The following AMPH variants were observed in gnomAD, a reference collection of about 807,000 sequenced individuals.
The protein encoded by AMPH is amphiphysin (Stiff-Mann syndrome with breast cancer 128kD autoantigen).
AMPH carries 49 observed loss-of-function variants against 99.1 expected under a neutral mutation model. The observed-to-expected ratio is 0.49, with a 90% CI of 0.39 to 0.63. The LOEUF is 0.63. Among genes scored for constraint, AMPH ranks in the 20% least tolerant of loss-of-function variants. The pLI is 0.00. For synonymous variants in AMPH, 314 were observed against 317.3 expected (o/e 0.99, Z 0.11); for missense variants, 759 against 863.4 (o/e 0.88, Z 1.52).
intron 14 of AMPH, chr7:38,429,207 TG>T: frequency 3.1e-6 from 4 of 1,289,330 alleles, no homozygotes; most frequent in Non-Finnish European, 4.0e-6. Context: ...GTCATACAGC[TG>T]CTCCATCTCC....
intron 2 of AMPH, among the ~76,000 whole-genome samples, chr7:38,506,715 A>C (rs1244145044): frequency 6.6e-6 from 1 of 152,228 alleles, no homozygotes; most frequent in African/African-American, 2.4e-5. Flanking sequence ...TGGAACATCA[A>C]TTTATTGAGG....
chr7:38,612,084 CTTCTTTTT>C (rs1036766486), intron 1 of AMPH, among the ~76,000 whole-genome samples: 15 of 90,892 alleles, frequency 1.7e-4, no homozygotes, highest in African/African-American at 4.9e-4. Context: ...TTTTTGTCTT[CTTCTTTTT>C]TTTTTTTTTT....
intron 17 of AMPH, among the ~76,000 whole-genome samples, chr7:38,409,515 C>A (rs376928852): frequency 2.0e-5 from 3 of 152,280 alleles, no homozygotes; most frequent in African/African-American, 7.2e-5. Flanking sequence ...ATGGTACCCC[C>A]GGTCCCTAGT....
At chr7:38,407,529 A>C (rs186182477) in intron 17 of AMPH, among the ~76,000 whole-genome samples, 1 of 152,202 alleles carries the variant, frequency 6.6e-6, no homozygotes, top group African/African-American at 2.4e-5. Context: ...TATTTGGGTG[A>C]TGGTTTAATA....
In AMPH at chr7:38,521,404, C is replaced by A. The variant is rs184658725; in HGVS notation, c.150+13527G>T. On this transcript the variant is annotated intron_variant, in intron 2 of 20. Coordinates refer to ENST00000356264, the MANE Select transcript of AMPH (RefSeq NM_001635.4). ...GGCGTGGTGGCAGGCACCTGTAATC[C>A]CACCTACTCAAGAGGCTGAGGCAGG... Among the ~76,000 whole-genome samples the A allele has an allele frequency of 2.4e-3, 360 of 152,234 alleles. 1 individual carries two copies. The highest frequency in any genetic ancestry group is 0.014 in the Middle Eastern group (4 of 294).
chr7:38,390,961 CAGAGAGAGAG>C (rs199667568), intron 19 of AMPH, among the ~76,000 whole-genome samples: 2,629 of 129,150 alleles, frequency 0.02, 27 homozygotes, highest in East Asian at 0.026. Flanking sequence ...GAGACAAAGA[CAGAGAGAGAG>C]AGAGAGAGAG....
intron 1 of AMPH, among the ~76,000 whole-genome samples, chr7:38,536,342 T>C (rs1790599543): frequency 6.6e-6 from 1 of 152,204 alleles, no homozygotes; most frequent in African/African-American, 2.4e-5. Flanking sequence ...TAACTAGACA[T>C]TTTCATAGCT....
intron 1 of AMPH, among the ~76,000 whole-genome samples, chr7:38,629,226 C>T (rs996735048): frequency 6.6e-6 from 1 of 152,132 alleles, no homozygotes; most frequent in Non-Finnish European, 1.5e-5. Context: ...GCCAACATGC[C>T]CTTTTCTCTT....
chr7:38,625,069 T>C (rs1233756785), intron 1 of AMPH, among the ~76,000 whole-genome samples: 1 of 151,758 alleles, frequency 6.6e-6, no homozygotes, highest in Admixed American at 6.6e-5. Context: ...CCACACACCA[T>C]AGAAGGTAAG....
At chr7:38,609,038 T>G (rs1751877141) in intron 1 of AMPH, among the ~76,000 whole-genome samples, 1 of 152,136 alleles carries the variant, frequency 6.6e-6, no homozygotes, top group African/African-American at 2.4e-5. Context: ...AAAAGCCCAG[T>G]GGGCTCTTGG....
chr7:38,393,875 T>G (rs2128975980), intron 18 of AMPH, 130 bp downstream of exon 18: 6 of 792,236 alleles, frequency 7.6e-6, no homozygotes, highest in Non-Finnish European at 1.2e-5. Flanking sequence ...AATAATGTTG[T>G]TTGGTGGAGT....
chr7:38,384,949 CA>C (rs748100104), intron 20 of AMPH, 24 bp from the exon 21 acceptor site: 1 of 1,602,090 alleles, frequency 6.2e-7, no homozygotes, highest in Admixed American at 1.7e-5. Flanking sequence ...ACAGAACTTT[CA>C]GGGTCCAGCA....
intron 4 of AMPH, among the ~76,000 whole-genome samples, chr7:38,494,030 C>T (rs1788828437): frequency 6.6e-6 from 1 of 152,170 alleles, no homozygotes; most frequent in South Asian, 2.1e-4. Context: ...GATCTTGGCT[C>T]ACTGCAACCT....
chr7:38,625,334 A>G (rs12333355), intron 1 of AMPH, among the ~76,000 whole-genome samples: 24,101 of 152,232 alleles, frequency 0.16, 2,300 homozygotes, highest in South Asian at 0.22. Context: ...ATATTGATAA[A>G]CATTTGACAT....
At chr7:38,542,481 C>A (rs1561308) in intron 1 of AMPH, among the ~76,000 whole-genome samples, 109,999 of 152,052 alleles carry the variant, frequency 0.72, 40,056 homozygotes, top group Non-Finnish European at 0.77. Flanking sequence ...TGTTTGAGAG[C>A]AAGCTTACAT....
chr7:38,524,497 T>C (rs1261069099), intron 2 of AMPH, among the ~76,000 whole-genome samples: 3 of 152,174 alleles, frequency 2.0e-5, no homozygotes, highest in Non-Finnish European at 4.4e-5. Flanking sequence ...GCAAATTAGA[T>C]GGTAATACGG....
At chr7:38,443,296 G>A (rs1407401900) in intron 11 of AMPH, among the ~76,000 whole-genome samples, 1 of 151,870 alleles carries the variant, frequency 6.6e-6, no homozygotes, top group Non-Finnish European at 1.5e-5. Flanking sequence ...AAACCTTTAA[G>A]CAACAAATAA....
At chr7:38,491,396 A>C (rs1285942041) in intron 4 of AMPH, among the ~76,000 whole-genome samples, 7 of 152,234 alleles carry the variant, frequency 4.6e-5, no homozygotes, top group Admixed American at 3.9e-4. Context: ...AAATTACTAA[A>C]GAATGCAGAA....
chr7:38,437,649 G>GAAAAGAAAAT (rs2128996504), intron 11 of AMPH, among the ~76,000 whole-genome samples: 1 of 117,602 alleles, frequency 8.5e-6, no homozygotes, highest in South Asian at 3.0e-4. Flanking sequence ...AAAAAGAAAA[G>GAAAAGAAAAT]AAAAATTAGT....
Sources: allele counts gnomAD v4.1 joint callset (sites outside exome capture counted in the v4.1 genomes callset), GRCh38; gene constraint gnomAD v4.1.1; transcripts MANE v1.5; gene names NCBI Gene and HGNC (gene_info 2026-07-23, HGNC 2026-07-21).